The following HS3ST5 variants were observed in gnomAD, a reference collection of about 807,000 sequenced individuals.
The protein encoded by HS3ST5 is heparan sulfate glucosamine 3-O-sulfotransferase 5.
Under a neutral mutation model 25.4 loss-of-function variants are expected in HS3ST5, and 10 were observed. The ratio of observed to expected loss-of-function variants is 0.39; its 90% confidence interval spans 0.24 to 0.67. The LOEUF is 0.67. Among genes scored for constraint, HS3ST5 ranks in the 30% least tolerant of loss-of-function variants. The probability of loss-of-function intolerance (pLI) is 0.44; values close to 1 mark genes in which losing one functional copy is unlikely to be tolerated. For missense variants in HS3ST5, 324 were observed against 420.7 expected (o/e 0.77, Z 2.01); for synonymous variants, 170 against 162.4 (o/e 1.05, Z -0.36).
intron 1 of HS3ST5, among the ~76,000 whole-genome samples, chr6:114,257,826 T>C (rs1410756301): frequency 2.0e-5 from 3 of 152,124 alleles, no homozygotes; most frequent in African/African-American, 7.2e-5. Flanking sequence ...GGCCTCAAGC[T>C]CCTGGGCACA....
intron 2 of HS3ST5, among the ~76,000 whole-genome samples, chr6:114,195,281 A>C (rs777373952): frequency 2.0e-5 from 3 of 152,142 alleles, no homozygotes; most frequent in Non-Finnish European, 4.4e-5. Flanking sequence ...ATTTTGGTGA[A>C]GGGAAGTTGC....
intron 3 of HS3ST5, among the ~76,000 whole-genome samples, chr6:114,130,823 C>T (rs1247326614): frequency 6.6e-6 from 1 of 152,130 alleles, no homozygotes; most frequent in African/African-American, 2.4e-5. Context: ...CCCACCTTGG[C>T]CTCCCAAAGT....
intron 2 of HS3ST5, among the ~76,000 whole-genome samples, chr6:114,227,424 C>T (rs1255605200): frequency 6.6e-6 from 1 of 151,614 alleles, no homozygotes; most frequent in African/African-American, 2.4e-5. Flanking sequence ...TCTTATTGAA[C>T]CTTTAACATC....
intron 2 of HS3ST5, among the ~76,000 whole-genome samples, chr6:114,173,587 G>A (rs187342033): frequency 3.7e-4 from 57 of 152,264 alleles, no homozygotes; most frequent in East Asian, 1.2e-3. Flanking sequence ...GGCTGGGCAC[G>A]GTGGCTCATG....
At chr6:114,063,514 G>GA (rs369347111) in intron 3 of HS3ST5, among the ~76,000 whole-genome samples, 28,411 of 98,132 alleles carry the variant, frequency 0.29, 3,051 homozygotes, top group African/African-American at 0.34. Flanking sequence ...ACCTGTCTCA[G>GA]AAAAAAAAAA....
intron 1 of HS3ST5, among the ~76,000 whole-genome samples, chr6:114,297,733 G>C (rs1000743458): frequency 6.6e-6 from 1 of 152,162 alleles, no homozygotes; most frequent in East Asian, 1.9e-4. Flanking sequence ...GTCTGATAGA[G>C]AGACAAGGTA....
intron 3 of HS3ST5, among the ~76,000 whole-genome samples, chr6:114,147,577 T>G (rs545324446): frequency 1.5e-3 from 222 of 152,200 alleles, no homozygotes; most frequent in African/African-American, 5.2e-3. Flanking sequence ...ATAAACTTCC[T>G]TTTTTGAGGG....
intron 3 of HS3ST5, among the ~76,000 whole-genome samples, chr6:114,102,178 A>G (rs1775768657): frequency 6.6e-6 from 1 of 152,244 alleles, no homozygotes; most frequent in Non-Finnish European, 1.5e-5. Flanking sequence ...ACAAACCTGT[A>G]CATGTACTCA....
intron 2 of HS3ST5, among the ~76,000 whole-genome samples, chr6:114,193,050 G>T (rs960348463): frequency 1.3e-5 from 2 of 151,974 alleles, no homozygotes; most frequent in South Asian, 2.1e-4. Flanking sequence ...TCTTCTTCAG[G>T]TTCTGTCATG....
intron 4 of HS3ST5, among the ~76,000 whole-genome samples, chr6:114,061,083 A>G (rs998989497): frequency 1.2e-4 from 18 of 152,212 alleles, no homozygotes; most frequent in African/African-American, 4.1e-4. Context: ...CCACCAAACA[A>G]TTCAATTCCA....
At chr6:114,306,256 T>TACACACAC (rs1554226914) in intron 1 of HS3ST5, among the ~76,000 whole-genome samples, 12 of 115,406 alleles carry the variant, frequency 1.0e-4, no homozygotes, top group African/African-American at 3.6e-4. Flanking sequence ...TATATATATA[T>TACACACAC]ACACACACAC....
intron 3 of HS3ST5, among the ~76,000 whole-genome samples, chr6:114,099,026 A>C (rs1461820379): frequency 6.6e-6 from 1 of 152,164 alleles, no homozygotes; most frequent in African/African-American, 2.4e-5. Context: ...TAACAATACA[A>C]GAAATGATGT....
intron 1 of HS3ST5, among the ~76,000 whole-genome samples, chr6:114,311,518 A>ATTTTCTT (rs1273261881): frequency 8.4e-6 from 1 of 119,508 alleles, no homozygotes; most frequent in Non-Finnish European, 1.8e-5. Context: ...AAAGCAACAT[A>ATTTTCTT]TTTTCTTTCT....
chr6:114,246,962 A>T (rs1315251078), intron 1 of HS3ST5, among the ~76,000 whole-genome samples: 1 of 152,240 alleles, frequency 6.6e-6, no homozygotes, highest in East Asian at 1.9e-4. Context: ...GGTTTCATTT[A>T]TTACGGTAAC....
At chr6:114,165,869 A>T (rs948129687) in intron 3 of HS3ST5, among the ~76,000 whole-genome samples, 2 of 152,082 alleles carry the variant, frequency 1.3e-5, no homozygotes, top group East Asian at 3.9e-4. Flanking sequence ...TGAGGATTAC[A>T]TGAAATGATG....
intron 2 of HS3ST5, among the ~76,000 whole-genome samples, chr6:114,191,324 G>T (rs1780492628): frequency 6.6e-6 from 1 of 151,990 alleles, no homozygotes; most frequent in Non-Finnish European, 1.5e-5. Flanking sequence ...ACTCAATTCT[G>T]CCTTATTGGC....
chr6:114,299,675 C>T (rs991437627), intron 1 of HS3ST5, among the ~76,000 whole-genome samples: 9 of 151,996 alleles, frequency 5.9e-5, no homozygotes, highest in Non-Finnish European at 8.8e-5. Flanking sequence ...GCAGGTTCCC[C>T]GATAGTCCTG....
intron 3 of HS3ST5, among the ~76,000 whole-genome samples, chr6:114,166,529 C>G (rs895443464): frequency 1.5e-4 from 23 of 152,108 alleles, no homozygotes; most frequent in African/African-American, 5.3e-4. Context: ...GTATAGCTTA[C>G]TTTTAAATGG....
intron 1 of HS3ST5, among the ~76,000 whole-genome samples, chr6:114,248,765 A>C (rs1048046086): frequency 2.6e-5 from 4 of 152,270 alleles, no homozygotes; most frequent in African/African-American, 4.8e-5. Context: ...TAGAAGCATA[A>C]TTTTAGGAAA....
Sources: gnomAD v4.1 joint callset for allele counts (sites outside exome capture counted in the v4.1 genomes callset) on GRCh38, gnomAD v4.1.1 for gene constraint, MANE v1.5 for transcripts, NCBI Gene and HGNC (gene_info 2026-07-23, HGNC 2026-07-21) for gene names.